Variants in GNAI2 observed in about 807,000 individuals in gnomAD.
The protein encoded by GNAI2 is guanine nucleotide-binding protein G(i) subunit alpha-2.
A neutral mutation model predicts 36.8 loss-of-function variants in GNAI2; 4 were observed. The ratio of observed to expected loss-of-function variants is 0.11; its 90% confidence interval spans 0.05 to 0.25. The LOEUF is 0.25. Among genes scored for constraint, GNAI2 ranks in the 10% least tolerant of loss-of-function variants. GNAI2 has a pLI of 1.00. For synonymous variants in GNAI2, 194 were observed against 194.1 expected, an observed-to-expected ratio of 1.00 and a Z score of 0.01; for missense variants, 230 against 481.3, an observed-to-expected ratio of 0.48 and a Z score of 4.89.
chr3:50,227,916 G>A (rs918272487), upstream of GNAI2, among the ~76,000 whole-genome samples: 12 of 152,220 alleles, frequency 7.9e-5, no homozygotes, highest in African/African-American at 2.9e-4. The surrounding 1 kb of genome is among the most constrained non-coding windows in gnomAD (Gnocchi z 5.9). Context: ...GGGCAAGGAA[G>A]GCTTCCTAGA....
chr3:50,251,279 T>A, intron 1 of GNAI2: 1 of 740,606 alleles, frequency 1.4e-6, no homozygotes, highest in Non-Finnish European at 1.6e-6. Context: ...AGCCTCAATG[T>A]CCTCATCTGT....
At chr3:50,247,612 G>A (rs1553701913) in intron 1 of GNAI2, among the ~76,000 whole-genome samples, 1 of 152,186 alleles carries the variant, frequency 6.6e-6, no homozygotes, top group African/African-American at 2.4e-5. Flanking sequence ...TTCTCTCATC[G>A]GTTCCCTCCT....
chr3:50,256,074 GC>G, intron 4 of GNAI2, 117 bp from the exon 5 acceptor site: 2 of 164,098 alleles, frequency 1.2e-5, no homozygotes, highest in Admixed American at 8.8e-5. Flanking sequence ...AAAAAAAAAA[GC>G]AAGGGCTGTG....
At chr3:50,232,495 T>C (rs587751528), upstream of GNAI2, among the ~76,000 whole-genome samples, 8 of 152,306 alleles carry the variant, frequency 5.3e-5, no homozygotes, top group Admixed American at 5.2e-4. Flanking sequence ...AAAACCGAGG[T>C]ACAGGGAGTT....
At chr3:50,256,044 C>CAAAAAAA (rs1170893603) in intron 4 of GNAI2, 148 bp from the exon 5 acceptor site, 13 of 142,754 alleles carry the variant, frequency 9.1e-5, no homozygotes, top group African/African-American at 5.9e-4. Flanking sequence ...CACTCTGTCT[C>CAAAAAAA]AAAAAAAAAA....
intron 4 of GNAI2, 125 bp from the exon 5 acceptor site, chr3:50,256,067 A>T: frequency 2.2e-6 from 1 of 449,550 alleles, no homozygotes; most frequent in East Asian, 4.1e-5. Flanking sequence ...AAAAAAAAAA[A>T]AAAAAAGCAA....
At chr3:50,227,750 G>A (rs1356012643), upstream of GNAI2, among the ~76,000 whole-genome samples, 1 of 152,234 alleles carries the variant, frequency 6.6e-6, no homozygotes, top group African/African-American at 2.4e-5. The surrounding 1 kb of genome is among the most constrained non-coding windows in gnomAD (Gnocchi z 5.9). Context: ...AATTAGGGAG[G>A]GGCTGCGGTG....
intron 7 of GNAI2, 146 bp downstream of exon 7, chr3:50,257,236 G>A: frequency 1.4e-6 from 1 of 694,072 alleles, no homozygotes. Flanking sequence ...ACTTAGGCTT[G>A]TATAGTTGTG....
At chr3:50,249,454 G>A (rs1553702148) in intron 1 of GNAI2, among the ~76,000 whole-genome samples, 1 of 152,122 alleles carries the variant, frequency 6.6e-6, no homozygotes, top group African/African-American at 2.4e-5. Context: ...GATCCTGGCT[G>A]CCCCTTTGCC....
rs1700612479 is a variant in GNAI2, at chr3:50,253,361, C to T, written c.464+177C>T. The stretch of plus-strand genomic sequence containing the variant: ...TGGGGGGTGGGTGGGTGTCACGTTA[C>T]TGAAAGGCCAGGAGGAATGACAGGC... On this transcript the variant is annotated intron_variant, in intron 4 of 8. Transcript: ENST00000313601. The surrounding 1 kb of genome is among the most constrained non-coding windows in gnomAD (Gnocchi z 4.2). 6.6e-6 allele frequency among the ~76,000 whole-genome samples: 1 copy of T among 152,164 alleles called. No individual in the cohort carries two copies.
intron 8 of GNAI2, 66 bp downstream of exon 8, chr3:50,257,780 GGTTCT>G: frequency 1.2e-6 from 1 of 826,370 alleles, no homozygotes; most frequent in East Asian, 2.9e-5. Flanking sequence ...CCCAGCAGGG[GGTTCT>G]GGGGGTGGGT....
At chr3:50,235,371 A>C (rs951727401), upstream of GNAI2, 5 of 150,954 alleles carry the variant, frequency 3.3e-5, no homozygotes, top group Non-Finnish European at 5.9e-5. Context: ...GCTGGAGTGC[A>C]ATGAATGGCG....
At chr3:50,250,373 C>T (rs1454204759) in intron 1 of GNAI2, among the ~76,000 whole-genome samples, 2 of 152,194 alleles carry the variant, frequency 1.3e-5, no homozygotes, top group African/African-American at 4.8e-5. Context: ...AGTTTGACCT[C>T]TGCACAGACC....
At chr3:50,228,489 G>T (rs1700016351), upstream of GNAI2, among the ~76,000 whole-genome samples, 1 of 150,684 alleles carries the variant, frequency 6.6e-6, no homozygotes, top group African/African-American at 2.5e-5. Flanking sequence ...GAGACAGGCT[G>T]CAGTGAGCCA....
chr3:50,251,266 C>A, intron 1 of GNAI2: 2 of 654,252 alleles, frequency 3.1e-6, no homozygotes, highest in Non-Finnish European at 3.8e-6. Flanking sequence ...CTTTATTTTT[C>A]TGAGCCTCAA....
At chr3:50,250,497 G>A (rs1166982767) in intron 1 of GNAI2, among the ~76,000 whole-genome samples, 1 of 152,226 alleles carries the variant, frequency 6.6e-6, no homozygotes, top group Non-Finnish European at 1.5e-5. Context: ...AACAGCATGA[G>A]CAGGGCCCTG....
rs1182185206 is a variant in GNAI2 at position 50,259,024 on chromosome 3, G to A, written c.*681G>A. 1.6e-5 allele frequency: 7 copies of A among 426,688 alleles called. No homozygotes were observed. Among genetic ancestry groups the A allele is most frequent in the African/African-American group, 1.1e-4 (5 of 46,592 alleles). 26.4% of individuals were successfully genotyped at this position (426,688 alleles called of 1,614,324 possible). On this transcript the variant is annotated 3_prime_UTR_variant, in exon 9 of 9. Coordinates refer to ENST00000313601, the MANE Select transcript of GNAI2 (RefSeq NM_002070.4). Reference sequence around the variant, plus strand: ...GACTCCGTGCCTTGAGTGTGTCTGCGTGTTTACACCCGTCCCTCTGCTGGC... The same window carrying A: ...GACTCCGTGCCTTGAGTGTGTCTGCATGTTTACACCCGTCCCTCTGCTGGC...
upstream of GNAI2, among the ~76,000 whole-genome samples, chr3:50,233,264 T>TG: frequency 6.6e-6 from 1 of 152,256 alleles, no homozygotes; most frequent in East Asian, 1.9e-4. Context: ...GGCCTGGGGC[T>TG]GGGGAAGGCC....
At chr3:50,246,116 GAGGA>G (rs1293486197) in intron 1 of GNAI2, among the ~76,000 whole-genome samples, 1 of 152,244 alleles carries the variant, frequency 6.6e-6, no homozygotes, top group Non-Finnish European at 1.5e-5. Context: ...GCAGCACCTG[GAGGA>G]AGGAAGAGAC....
Sources: allele counts gnomAD v4.1 joint callset (sites outside exome capture counted in the v4.1 genomes callset), GRCh38; gene constraint gnomAD v4.1.1; non-coding constraint Gnocchi (gnomAD v3.1); transcripts MANE v1.5; gene names NCBI Gene and HGNC (gene_info 2026-07-23, HGNC 2026-07-21).